Variants in SGCD observed in about 807,000 individuals in gnomAD.
The protein encoded by SGCD is sarcoglycan delta.
A neutral mutation model predicts 36.6 loss-of-function variants in SGCD; 18 were observed. The observed-to-expected ratio is 0.49, with a 90% CI of 0.34 to 0.73. The LOEUF (loss-of-function observed/expected upper bound fraction) is 0.73, where lower values mean the gene tolerates loss of function less well. SGCD is among the 30% of genes least tolerant of loss of function. The pLI is 0.01. For missense variants in SGCD, 387 were observed against 346.7 expected (o/e 1.12, Z -0.92); for synonymous variants, 133 against 130.6 (o/e 1.02, Z -0.12).
intron 3 of SGCD, among the ~76,000 whole-genome samples, chr5:156,184,370 A>AGTTTT: frequency 9.4e-6 from 1 of 105,946 alleles, no homozygotes; most frequent in East Asian, 4.1e-4. Context: ...ACAAGCAGCC[A>AGTTTT]GTTTTTTTTT....
chr5:155,818,412 A>T, the SGCD span, among the ~76,000 whole-genome samples: 1 of 152,188 alleles, frequency 6.6e-6, no homozygotes, highest in Non-Finnish European at 1.5e-5. Context: ...TTGGCTGGAC[A>T]TGCCTCAGGT....
chr5:156,170,599 T>A (rs1763319542), intron 3 of SGCD, among the ~76,000 whole-genome samples: 1 of 152,232 alleles, frequency 6.6e-6, no homozygotes, highest in African/African-American at 2.4e-5. Flanking sequence ...ATCAGTGTCC[T>A]GTTCTTCTAA....
intron 4 of SGCD, among the ~76,000 whole-genome samples, chr5:156,557,957 C>T (rs908276362): frequency 6.6e-6 from 1 of 151,388 alleles, no homozygotes; most frequent in African/African-American, 2.4e-5. Context: ...AAAATGGAAA[C>T]ATTATTCTTG....
chr5:156,690,264 C>G (rs1027427793), intron 7 of SGCD, among the ~76,000 whole-genome samples: 1 of 152,110 alleles, frequency 6.6e-6, no homozygotes, highest in Non-Finnish European at 1.5e-5. Flanking sequence ...AGATTCAAAC[C>G]CAGGCAGCCT....
rs1757504903 is a variant in SGCD, at chr5:156,761,817, C to A, written c.*2427C>A. On this transcript the variant is annotated 3_prime_UTR_variant, in exon 9 of 9. Coordinates refer to ENST00000337851, the MANE Select transcript of SGCD (RefSeq NM_000337.6). ...TGTGATCCCACATGCAAAATTTAAT[C>A]CTAAGGGTAGTGAGATCACAAACAG... 6.6e-6 allele frequency: 1 copy of A among 152,122 alleles called. No homozygotes were observed. The highest frequency in any genetic ancestry group is 1.5e-5 in the Non-Finnish European group (1 of 68,014). The allele number at this position is 152,122 out of a possible 1,614,324, so 9.4% of individuals were successfully genotyped here. A position where few individuals can be genotyped will look rare whatever the true frequency, so the allele number is the denominator to read the frequency against.
intron 4 of SGCD, among the ~76,000 whole-genome samples, chr5:156,529,150 G>A (rs527446656): frequency 5.3e-5 from 8 of 152,124 alleles, no homozygotes; most frequent in Admixed American, 2.6e-4. Context: ...CACATGGGCC[G>A]GTGCGCCAGC....
intron 6 of SGCD, among the ~76,000 whole-genome samples, chr5:156,636,960 G>GT (rs1037488452): frequency 5.3e-5 from 8 of 152,092 alleles, no homozygotes; most frequent in African/African-American, 1.7e-4. Context: ...AGTAGGGACT[G>GT]TTTTTTCTCC....
the SGCD span, among the ~76,000 whole-genome samples, chr5:155,751,533 C>G: frequency 1.3e-5 from 2 of 152,066 alleles, no homozygotes; most frequent in Admixed American, 1.3e-4. Flanking sequence ...ACTACAGGCA[C>G]ATACCACCAC....
intron 3 of SGCD, among the ~76,000 whole-genome samples, chr5:156,137,947 T>A (rs1242898856): frequency 6.6e-6 from 1 of 152,202 alleles, no homozygotes; most frequent in Non-Finnish European, 1.5e-5. Flanking sequence ...TACAATAAAA[T>A]CACACATTTT....
the SGCD span, among the ~76,000 whole-genome samples, chr5:155,831,930 G>C: frequency 1.3e-5 from 2 of 152,278 alleles, no homozygotes; most frequent in South Asian, 4.1e-4. Flanking sequence ...ATTTACCAAA[G>C]CCATTAAGGG....
At chr5:155,891,378 G>A (rs1239081473) in intron 1 of SGCD, among the ~76,000 whole-genome samples, 4 of 151,850 alleles carry the variant, frequency 2.6e-5, no homozygotes, top group East Asian at 3.9e-4. Context: ...CTATCTCCTT[G>A]GGCCTCAGTT....
At chr5:155,932,950 C>G (rs955782326) in intron 1 of SGCD, among the ~76,000 whole-genome samples, 1 of 152,012 alleles carries the variant, frequency 6.6e-6, no homozygotes, top group African/African-American at 2.4e-5. Context: ...TATAGAATGT[C>G]AGGGCTGGGA....
intron 1 of SGCD, among the ~76,000 whole-genome samples, chr5:156,030,054 G>A (rs184059250): frequency 4.5e-4 from 69 of 152,082 alleles, no homozygotes; most frequent in African/African-American, 1.4e-3. Context: ...TTAAGGTAAC[G>A]GGTGCTTAGT....
chr5:156,275,626 A>G (rs754727641), intron 3 of SGCD, among the ~76,000 whole-genome samples: 18 of 152,146 alleles, frequency 1.2e-4, no homozygotes, highest in Non-Finnish European at 1.9e-4. Flanking sequence ...TGGCTTCAGT[A>G]TGTACTAAGT....
intron 3 of SGCD, among the ~76,000 whole-genome samples, chr5:156,443,374 A>G (rs1424117011): frequency 6.6e-6 from 1 of 152,160 alleles, no homozygotes; most frequent in African/African-American, 2.4e-5. Flanking sequence ...TTGATAGCAG[A>G]CACAGGTTTT....
intron 1 of SGCD, among the ~76,000 whole-genome samples, chr5:155,929,756 C>T (rs182406366): frequency 2.0e-4 from 31 of 152,296 alleles, no homozygotes; most frequent in Admixed American, 1.0e-3. Flanking sequence ...TCCATTTACC[C>T]CTACTCACTG....
At chr5:156,055,668 C>G (rs912563682) in intron 1 of SGCD, among the ~76,000 whole-genome samples, 2 of 146,094 alleles carry the variant, frequency 1.4e-5, no homozygotes, top group Admixed American at 1.4e-4. Flanking sequence ...CTTTAACAAA[C>G]CTAATTTATC....
intron 1 of SGCD, among the ~76,000 whole-genome samples, chr5:155,960,155 TCTC>T (rs1244336092): frequency 6.6e-6 from 1 of 151,918 alleles, no homozygotes; most frequent in African/African-American, 2.4e-5. Context: ...CCATCTTCCT[TCTC>T]CTCTTCATTT....
intron 3 of SGCD, among the ~76,000 whole-genome samples, chr5:156,259,808 GA>G (rs939465843): frequency 1.8e-4 from 27 of 152,032 alleles, no homozygotes; most frequent in Admixed American, 5.2e-4. Flanking sequence ...ATAAGAAGAG[GA>G]AAAAAGACCT....
Sources: gnomAD v4.1 joint callset for allele counts (sites outside exome capture counted in the v4.1 genomes callset) on GRCh38, gnomAD v4.1.1 for gene constraint, MANE v1.5 for transcripts, NCBI Gene and HGNC (gene_info 2026-07-23, HGNC 2026-07-21) for gene names.